The following DNM1L variants were observed in gnomAD, a reference collection of about 807,000 sequenced individuals.
DNM1L encodes the protein dynamin 1L, also known as dynamin-1-like protein.
Under a neutral mutation model 92.8 loss-of-function variants are expected in DNM1L, and 33 were observed. That is an observed-to-expected ratio of 0.36 (90% CI 0.27 to 0.48). The LOEUF is 0.48. DNM1L is among the 20% of genes least tolerant of loss of function. The pLI is 0.99. For synonymous variants in DNM1L, 284 were observed against 305.0 expected, an observed-to-expected ratio of 0.93 and a Z score of 0.72; for missense variants, 485 against 888.8, an observed-to-expected ratio of 0.55 and a Z score of 5.78.
Position 32,745,053 on chromosome 12 carries a change from C to A in DNM1L, c.*1643C>A. ...CATCAATTTACTAAGGAACAACAGGCTCACCAACTGATGTCAAACATAAAA... is the reference window on the plus strand; with the variant it reads ...CATCAATTTACTAAGGAACAACAGGATCACCAACTGATGTCAAACATAAAA... On this transcript the variant is annotated 3_prime_UTR_variant, in exon 20 of 20. Transcript: ENST00000549701. 2.0e-6 allele frequency: 1 copy of A among 503,534 alleles called. No homozygotes were observed. The highest frequency in any genetic ancestry group is 3.9e-6 in the Non-Finnish European group (1 of 254,894). 31.2% of individuals were successfully genotyped at this position (503,534 alleles called of 1,614,324 possible). A position where few individuals can be genotyped will look rare whatever the true frequency, so the allele number is the denominator to read the frequency against.
chr12:32,733,109 A>C (rs1049071135), intron 12 of DNM1L, among the ~76,000 whole-genome samples: 2 of 152,218 alleles, frequency 1.3e-5, no homozygotes, highest in African/African-American at 4.8e-5. Flanking sequence ...TCAAACAAAC[A>C]AACAAACAAA....
In DNM1L at chr12:32,744,942, A is replaced by G. The variant is rs886049297; in HGVS notation, c.*1532A>G. 9.6e-6 allele frequency: 5 copies of G among 518,542 alleles called. No individual in the cohort carries two copies. The highest frequency in any genetic ancestry group is 3.2e-4 in the Middle Eastern group (1 of 3,166). 32.1% of individuals were successfully genotyped at this position (518,542 alleles called of 1,614,324 possible). ...AATAGACAACACATTTATATTGCAG[A>G]TATTACTTTTTTTTCAGTTTATGAC... On this transcript the variant is annotated 3_prime_UTR_variant, in exon 20 of 20. Coordinates refer to ENST00000549701, the MANE Select transcript of DNM1L (RefSeq NM_012062.5).
At chr12:32,737,985 T>G (rs770631461) in intron 15 of DNM1L, 43 bp downstream of exon 15, 1 of 1,578,872 alleles carries the variant, frequency 6.3e-7, no homozygotes, top group Non-Finnish European at 8.7e-7. Context: ...CCTTGTTCTC[T>G]GGTACAACAT....
chr12:32,701,293 A>T lies in DNM1L; in HGVS notation c.103-122A>T, dbSNP rs560308343. 1.6e-3 allele frequency: 1,339 copies of T among 812,388 alleles called. 4 individuals are homozygous for T. Among genetic ancestry groups the T allele is most frequent in the Non-Finnish European group, 2.2e-3 (1,174 of 523,344 alleles). The allele number at this position is 812,388 out of a possible 1,614,324, so 50.3% of individuals were successfully genotyped here. Reference sequence around the variant, plus strand: ...CTCCGTCTCAAAAAAAAAAAAAAATAGTCTCTGCACTAATTTTTCCTTTAA... The same window carrying T: ...CTCCGTCTCAAAAAAAAAAAAAAATTGTCTCTGCACTAATTTTTCCTTTAA... On this transcript the variant is annotated intron_variant, in intron 1 of 19. Transcript: ENST00000549701.
chr12:32,711,074 A>G (rs769674241), intron 5 of DNM1L, 59 bp downstream of exon 5: 7 of 1,394,726 alleles, frequency 5.0e-6, no homozygotes, highest in South Asian at 4.6e-5. Context: ...GACATCCCAT[A>G]TGAGAATAAT....
chr12:32,722,115 G>T (rs1953838177), intron 8 of DNM1L, among the ~76,000 whole-genome samples: 1 of 152,040 alleles, frequency 6.6e-6, no homozygotes, highest in South Asian at 2.1e-4. Flanking sequence ...TCAATGTTTG[G>T]CCTCTCTCCT....
chr12:32,714,806 G>T (rs1592615840), intron 6 of DNM1L, among the ~76,000 whole-genome samples: 1 of 150,740 alleles, frequency 6.6e-6, no homozygotes, highest in African/African-American at 2.4e-5. Context: ...GGGCAGCAAA[G>T]TGAGAGCCCC....
chr12:32,687,883 T>G (rs191087556), intron 1 of DNM1L, among the ~76,000 whole-genome samples: 1 of 152,246 alleles, frequency 6.6e-6, no homozygotes, highest in African/African-American at 2.4e-5. Context: ...TCAAAATTGT[T>G]TTGGTTGTTT....
In DNM1L at chr12:32,708,124, T is replaced by C. The variant is rs761729489; in HGVS notation, c.298-29T>C. ...AGAACTTTTGATCTTATTTTGAATATTATGCTTTTTTATTTCAAAAATTTT... is the reference window on the plus strand; with the variant it reads ...AGAACTTTTGATCTTATTTTGAATACTATGCTTTTTTATTTCAAAAATTTT... On this transcript the variant is annotated intron_variant, in intron 3 of 19. Transcript: ENST00000549701. 4.4e-6 allele frequency: 6 copies of C among 1,371,110 alleles called. No individual in the cohort carries two copies. The East Asian group carries it at 9.2e-5, about 21-fold the overall frequency. 84.9% of individuals were successfully genotyped at this position (1,371,110 alleles called of 1,614,324 possible).
At chr12:32,722,889 TTTAA>T (rs1432971321) in intron 9 of DNM1L, 1 of 162,648 alleles carries the variant, frequency 6.1e-6, no homozygotes, top group African/African-American at 2.4e-5. Context: ...TTTATAAGTA[TTTAA>T]TAAGTATTAA....
chr12:32,682,543 A>T (rs1411207474), intron 1 of DNM1L, among the ~76,000 whole-genome samples: 1 of 152,178 alleles, frequency 6.6e-6, no homozygotes, highest in African/African-American at 2.4e-5. Context: ...TGGTTCCTAG[A>T]TCCTAATTTG....
intron 1 of DNM1L, among the ~76,000 whole-genome samples, chr12:32,682,908 G>A (rs180753583): frequency 6.6e-6 from 1 of 152,254 alleles, no homozygotes; most frequent in East Asian, 1.9e-4. Context: ...CAGACACAGT[G>A]GGGAGAGAGA....
At chr12:32,679,507 C>A (rs1443876507) in intron 1 of DNM1L, 42 bp downstream of exon 1, 1 of 1,570,028 alleles carries the variant, frequency 6.4e-7, no homozygotes, top group Admixed American at 1.7e-5. Flanking sequence ...AGACCCCGGC[C>A]GCAGGCCTGG....
intron 1 of DNM1L, among the ~76,000 whole-genome samples, chr12:32,696,463 G>A (rs1191811547): frequency 6.6e-6 from 1 of 151,902 alleles, no homozygotes; most frequent in Non-Finnish European, 1.5e-5. Context: ...CACGCTGGGT[G>A]TGGTGGTGTG....
chr12:32,699,121 A>G lies in DNM1L; in HGVS notation c.103-2294A>G, dbSNP rs1289550298. The stretch of plus-strand genomic sequence containing the variant: ...CATGCCACAATGTTTAGAGTGGAGT[A>G]TCATGATTTCTGTAACTAACTCTCA... On this transcript the variant is annotated intron_variant, in intron 1 of 19. Transcript: ENST00000549701. Among the ~76,000 whole-genome samples the G allele has an allele frequency of 2.0e-5, 3 of 152,212 alleles. No individual in the cohort carries two copies. The East Asian group carries it at 5.8e-4, about 29-fold the overall frequency.
intron 16 of DNM1L, among the ~76,000 whole-genome samples, chr12:32,739,280 A>C (rs1346654834): frequency 6.6e-6 from 1 of 152,162 alleles, no homozygotes; most frequent in Admixed American, 6.5e-5. Flanking sequence ...GAATACCTAA[A>C]AAAAACCCTC....
rs1290234850 is a variant in DNM1L, at chr12:32,744,861, A to G, written c.*1451A>G. On this transcript the variant is annotated 3_prime_UTR_variant, in exon 20 of 20. Transcript: ENST00000549701. Reference sequence around the variant, plus strand: ...CAGATGATTCTTGGTATGAACGACTATATTATAAATTTTAAGATGTACTTA... The same window carrying G: ...CAGATGATTCTTGGTATGAACGACTGTATTATAAATTTTAAGATGTACTTA... 3 of 501,220 alleles carry G rather than the reference A, an allele frequency of 6.0e-6. No individual in the cohort carries two copies. The highest frequency in any genetic ancestry group is 1.4e-5 in the South Asian group (1 of 69,250). 31.0% of individuals were successfully genotyped at this position (501,220 alleles called of 1,614,324 possible).
chr12:32,707,314 A>G (rs1201788839), intron 2 of DNM1L, 53 bp from the exon 3 acceptor site: 2 of 1,438,582 alleles, frequency 1.4e-6, no homozygotes, highest in East Asian at 2.3e-5. Context: ...GAATTCCTAA[A>G]GATAAAAAGT....
intron 6 of DNM1L, among the ~76,000 whole-genome samples, chr12:32,716,237 TTTGG>T (rs1361750250): frequency 7.4e-6 from 1 of 135,462 alleles, no homozygotes; most frequent in East Asian, 2.0e-4. Flanking sequence ...CATAAGAAAA[TTTGG>T]TGGGGGGGGG....
Sources: gnomAD v4.1 joint callset for allele counts (sites outside exome capture counted in the v4.1 genomes callset) on GRCh38, gnomAD v4.1.1 for gene constraint, MANE v1.5 for transcripts, NCBI Gene and HGNC (gene_info 2026-07-23, HGNC 2026-07-21) for gene names.